Variants in ACVRL1 observed in about 807,000 individuals in gnomAD.
The protein encoded by ACVRL1 is activin A receptor like type 1, also known as activin receptor type-1-like.
ACVRL1 carries 20 observed loss-of-function variants against 51.9 expected under a neutral mutation model. The observed-to-expected ratio is 0.39, with a 90% CI of 0.27 to 0.56. The LOEUF is 0.56. Ranked by LOEUF, ACVRL1 falls within the 20% of genes least tolerant of loss-of-function variation. The pLI, the probability that ACVRL1 is intolerant of heterozygous loss-of-function variation, is 0.67. For synonymous variants in ACVRL1, 288 were observed against 280.9 expected, an observed-to-expected ratio of 1.03 and a Z score of -0.25; for missense variants, 451 against 670.3, an observed-to-expected ratio of 0.67 and a Z score of 3.61.
Position 51,915,298 on chromosome 12 carries a change from C to A in ACVRL1, c.846C>A (p.His282Gln). 2 of 1,614,202 alleles carry A rather than the reference C, an allele frequency of 1.2e-6. No homozygotes were observed. The highest frequency in any genetic ancestry group is 1.7e-6 in the Non-Finnish European group (2 of 1,180,052). ...QLWLITHYHE[H>Q]GSLYDFLQRQ... ...GGCTCATCACGCACTACCACGAGCA[C>A]GGCTCCCTCTACGACTTTCTGCAGA... is the stretch of plus-strand genomic sequence containing the variant. The change falls in exon 7 of 10, where the codon CAC becomes CAA. Residue 282 changes from histidine to glutamine, a missense_variant. His to Gln is a conservative substitution (Grantham distance 24). This residue lies in a region of ACVRL1 where 259 missense variants were observed against 453.4 expected (regional missense o/e 0.57). Coordinates refer to ENST00000388922, the MANE Select transcript of ACVRL1 (RefSeq NM_000020.3).
At chr12:51,918,570 G>A (rs1378549853) in intron 8 of ACVRL1, among the ~76,000 whole-genome samples, 1 of 152,186 alleles carries the variant, frequency 6.6e-6, no homozygotes, top group Admixed American at 6.5e-5. Flanking sequence ...GTGGAAGGCA[G>A]CTGAGGGAAG....
rs1231598304 is a variant in ACVRL1, at chr12:51,918,996, G to A, written c.1258G>A (p.Asp420Asn). Residue 420 changes from aspartate to asparagine, a missense_variant, in exon 9 of 10, where the codon GAC (aspartate) becomes AAC (asparagine). By Grantham distance (23) the Asp-to-Asn change is conservative. Transcript: ENST00000388922. ...RRTIVNGIVE[D>N]YRPPFYDVVP... is the part of the protein sequence containing the mutation. Reference sequence around the variant, plus strand: ...TTCTCCATTTCCAGGCATCGTGGAGGACTATAGACCACCCTTCTATGATGT... The same window carrying A: ...TTCTCCATTTCCAGGCATCGTGGAGAACTATAGACCACCCTTCTATGATGT... 2.0e-5 allele frequency: 32 copies of A among 1,614,082 alleles called. No homozygotes were observed. The highest frequency in any genetic ancestry group is 2.7e-5 in the Non-Finnish European group (32 of 1,180,054).
rs147005473 is a variant in ACVRL1, at chr12:51,914,494, C to T, written c.681C>T (p.Ala227=). 8.4e-5 allele frequency: 136 copies of T among 1,614,110 alleles called. No homozygotes were observed. The African/African-American group carries it at 1.1e-3, about 14-fold the overall frequency. The part of the protein sequence containing the change: ...WRGLWHGESV[A]VKIFSSRDEQ... ...GCTTGTGGCACGGTGAGAGTGTGGC[C>T]GTCAAGATCTTCTCCTCGAGGGATG... is the stretch of plus-strand genomic sequence containing the variant. The change falls in exon 6 of 10, where the codon GCC becomes GCT. Residue 227 remains alanine (A), a synonymous_variant. Transcript: ENST00000388922.
chr12:51,916,202 G>A lies in ACVRL1; in HGVS notation c.1215G>A (p.Leu405=), dbSNP rs747465607. 6.2e-7 allele frequency: 1 copy of A among 1,614,206 alleles called. No homozygotes were observed. Among genetic ancestry groups the A allele is most frequent in the South Asian group, 1.1e-5 (1 of 91,086 alleles). Residue 405 remains leucine, a synonymous_variant, in exon 8 of 10, where the codon CTG becomes CTA. Transcript: ENST00000388922. ...ACATCTGGGCCTTTGGCCTGGTGCT[G>A]TGGGAGATTGCCCGCCGGACCATCG... is the stretch of plus-strand genomic sequence containing the variant. ...WTDIWAFGLV[L]WEIARRTIVN...
At chr12:51,915,785 A>G (rs1449882905) in intron 7 of ACVRL1, 7 of 634,416 alleles carry the variant, frequency 1.1e-5, no homozygotes, top group Middle Eastern at 4.3e-4. Context: ...TGCTCTGTGA[A>G]GTGGGCTCAT....
intron 8 of ACVRL1, among the ~76,000 whole-genome samples, chr12:51,916,449 G>T (rs1940843837): frequency 6.6e-6 from 1 of 152,222 alleles, no homozygotes; most frequent in Non-Finnish European, 1.5e-5. Context: ...GTGAAATCTT[G>T]GGTACATGAT....
Position 51,920,806 on chromosome 12 carries a change from C to T in ACVRL1, c.1425C>T (p.Asn475=), listed in dbSNP as rs753001555. Residue 475 remains asparagine, a synonymous_variant, in exon 10 of 10, where the codon AAC becomes AAT. Transcript: ENST00000388922. ...AQMMRECWYP[N]PSARLTALRI... is the part of the protein sequence containing the mutation. ...TGATGCGGGAGTGCTGGTACCCAAA[C>T]CCCTCTGCCCGACTCACCGCGCTGC... is the stretch of plus-strand genomic sequence containing the variant. 2.5e-6 allele frequency: 4 copies of T among 1,613,964 alleles called. No individual in the cohort carries two copies. Among genetic ancestry groups the T allele is most frequent in the African/African-American group, 1.3e-5 (1 of 74,912 alleles).
In ACVRL1 at chr12:51,915,311, G is replaced by C; in HGVS notation, c.859G>C (p.Asp287His). Residue 287 changes from aspartate to histidine, a missense_variant, in exon 7 of 10, where the codon GAC (aspartate) becomes CAC (histidine). Physicochemically the swap from Asp to His is moderately conservative, Grantham distance 81. Coordinates refer to ENST00000388922, the MANE Select transcript of ACVRL1 (RefSeq NM_000020.3). ...CTACCACGAGCACGGCTCCCTCTAC[G>C]ACTTTCTGCAGAGACAGACGCTGGA... is the stretch of plus-strand genomic sequence containing the variant. ...THYHEHGSLYDFLQRQTLEPH... is the reference protein window; with the variant it reads ...THYHEHGSLYHFLQRQTLEPH... 6.2e-7 allele frequency: 1 copy of C among 1,614,182 alleles called. No homozygotes were observed. Among genetic ancestry groups the C allele is most frequent in the Non-Finnish European group, 8.5e-7 (1 of 1,180,052 alleles).
chr12:51,916,350 C>G (rs1940842144), intron 8 of ACVRL1, 117 bp downstream of exon 8: 5 of 1,086,512 alleles, frequency 4.6e-6, no homozygotes, highest in Non-Finnish European at 6.6e-6. Flanking sequence ...TCCTGGCACC[C>G]CTTCCATGCT....
At position 51,914,127 on chromosome 12, in the gene ACVRL1, AG is replaced by A. The variant is rs1373828464; in HGVS notation, c.625+58del. ...GGACCAAGGGCTCTCATGAGCCTGG[AG>A]GGGTGAGGGAGTTTTTGGCTACTGG... On this transcript the variant is annotated intron_variant, in intron 5 of 9. Coordinates refer to ENST00000388922, the MANE Select transcript of ACVRL1 (RefSeq NM_000020.3). 2.5e-6 allele frequency: 4 copies of A among 1,570,928 alleles called. No homozygotes were observed. In the African/African-American group the frequency reaches 5.4e-5, roughly 21 times the overall value.
In ACVRL1 at chr12:51,907,744, C is replaced by T. The variant is rs916264451; in HGVS notation, c.-6+49C>T. 2 of 152,236 alleles carry T rather than the reference C, an allele frequency of 1.3e-5. No homozygotes were observed. Among genetic ancestry groups the T allele is most frequent in the African/African-American group, 2.4e-5 (1 of 41,462 alleles). 9.4% of individuals were successfully genotyped at this position (152,236 alleles called of 1,614,324 possible). On this transcript the variant is annotated intron_variant, in intron 1 of 9. Coordinates refer to ENST00000388922, the MANE Select transcript of ACVRL1 (RefSeq NM_000020.3). The surrounding 1 kb of genome is among the most constrained non-coding windows in gnomAD (Gnocchi z 4.5). ...ACCGGGTGGCGGGCGGCCTGACCCC[C>T]GCTTCAGTGGGCCCTTCCTTCGGGC...
At chr12:51,919,855 C>T (rs1156385949) in intron 9 of ACVRL1, among the ~76,000 whole-genome samples, 2 of 152,196 alleles carry the variant, frequency 1.3e-5, no homozygotes, top group Non-Finnish European at 2.9e-5. Context: ...GAAATATACA[C>T]ATGCGCATAT....
At position 51,915,299 on chromosome 12, in the gene ACVRL1, G is replaced by A; in HGVS notation, c.847G>A (p.Gly283Ser). 1 of 1,614,194 alleles carries A rather than the reference G, an allele frequency of 6.2e-7. No individual in the cohort carries two copies. The highest frequency in any genetic ancestry group is 8.5e-7 in the Non-Finnish European group (1 of 1,180,044). Residue 283 changes from glycine (G) to serine (S), a missense_variant, in exon 7 of 10, where the codon GGC (glycine) becomes AGC (serine). Around this residue, in one of 2 missense-constraint regions of ACVRL1, gnomAD observed 259 missense variants for 453.4 expected, o/e 0.57. Transcript: ENST00000388922. ...GCTCATCACGCACTACCACGAGCAC[G>A]GCTCCCTCTACGACTTTCTGCAGAG... ...LWLITHYHEHGSLYDFLQRQT... is the reference protein window; with the variant it reads ...LWLITHYHEHSSLYDFLQRQT...
rs1027448996 is a variant in ACVRL1 at position 51,922,404 on chromosome 12, C to T, written c.*1511C>T. ...GCAGGGCGGCTTCCTCCAAGGCTTC[C>T]AAGGCTCAAAAGAAATTTGGCTCCA... On this transcript the variant is annotated 3_prime_UTR_variant, in exon 10 of 10. Transcript: ENST00000388922. 1 of 152,330 alleles carries T rather than the reference C, an allele frequency of 6.6e-6. No individual in the cohort carries two copies. Among genetic ancestry groups the T allele is most frequent in the African/African-American group, 2.4e-5 (1 of 41,442 alleles). The allele number at this position is 152,330 out of a possible 1,614,324, so 9.4% of individuals were successfully genotyped here.
chr12:51,911,098 T>C (rs1350119742), intron 1 of ACVRL1, among the ~76,000 whole-genome samples: 1 of 152,258 alleles, frequency 6.6e-6, no homozygotes, highest in African/African-American at 2.4e-5. Context: ...CTCCCTGCCT[T>C]GTGCCCTGCC....
intron 5 of ACVRL1, 148 bp downstream of exon 5, chr12:51,914,221 G>T: frequency 8.4e-7 from 1 of 1,190,444 alleles, no homozygotes; most frequent in Non-Finnish European, 1.2e-6. Flanking sequence ...GCTGGAGACG[G>T]GCCAGGGCTA....
In ACVRL1 at chr12:51,920,930, C is replaced by CGGGGGGGGGGGGGG; in HGVS notation, c.*37_*38insGGGGGGGGGGGGGG. The CGGGGGGGGGGGGGG allele has an allele frequency of 3.0e-6, 1 of 336,506 alleles. No homozygotes were observed. Among genetic ancestry groups the CGGGGGGGGGGGGGG allele is most frequent in the Admixed American group, 4.0e-5 (1 of 25,036 alleles). The allele number at this position is 336,506 out of a possible 1,614,324, so 20.8% of individuals were successfully genotyped here. A position where few individuals can be genotyped will look rare whatever the true frequency, so the allele number is the denominator to read the frequency against. On this transcript the variant is annotated 3_prime_UTR_variant, in exon 10 of 10. Coordinates refer to ENST00000388922, the MANE Select transcript of ACVRL1 (RefSeq NM_000020.3). ...CTGATTCCTTTCTGCCTGCAGGGGGCTGGGGGGGTGGGGGGCAGTGGATGG... is the reference window on the plus strand; with the variant it reads ...CTGATTCCTTTCTGCCTGCAGGGGGCGGGGGGGGGGGGGGTGGGGGGGTGGGGGGCAGTGGATGG...
chr12:51,920,711 A>G, intron 9 of ACVRL1, 48 bp from the exon 10 acceptor site: 3 of 1,602,602 alleles, frequency 1.9e-6, no homozygotes, highest in East Asian at 2.2e-5. Flanking sequence ...TCTTCTCTGC[A>G]TCTCTCTCTC....
rs1321396082 is a variant in ACVRL1 at position 51,913,178 on chromosome 12, G to C, written c.141G>C (p.Arg47=). The C allele has an allele frequency of 6.2e-7, 1 of 1,600,420 alleles. No homozygotes were observed. Among genetic ancestry groups the C allele is most frequent in the East Asian group, 2.2e-5 (1 of 44,454 alleles). The change falls in exon 3 of 10, where the codon CGG becomes CGC. Residue 47 remains arginine (R), a synonymous_variant. Transcript: ENST00000388922. ...ESPHCKGPTC[R]GAWCTVVLVR... ...CACATTGCAAGGGGCCTACCTGCCG[G>C]GGGGCCTGGTGCACAGTAGTGCTGG...
Sources: allele counts gnomAD v4.1 joint callset (sites outside exome capture counted in the v4.1 genomes callset), GRCh38; gene constraint gnomAD v4.1.1; regional missense constraint gnomAD v4.1.1; non-coding constraint Gnocchi (gnomAD v3.1); transcripts MANE v1.5; gene names NCBI Gene and HGNC (gene_info 2026-07-23, HGNC 2026-07-21).